Variants in SOX5 observed in about 807,000 individuals in gnomAD.
The protein encoded by SOX5 is transcription factor SOX-5.
SOX5 carries 9 observed loss-of-function variants against 92.0 expected under a neutral mutation model. The observed-to-expected ratio is 0.10, with a 90% CI of 0.06 to 0.17. SOX5 has a LOEUF of 0.17. SOX5 is among the 10% of genes least tolerant of loss of function. SOX5 has a pLI of 1.00. For synonymous variants in SOX5, 344 were observed against 336.3 expected (o/e 1.02, Z -0.25); for missense variants, 642 against 944.5 (o/e 0.68, Z 4.20).
At chr12:24,121,090 T>C (rs1948565371) in intron 4 of SOX5, among the ~76,000 whole-genome samples, 2 of 152,208 alleles carry the variant, frequency 1.3e-5, no homozygotes, top group African/African-American at 4.8e-5. Flanking sequence ...CTCATTGCAT[T>C]ACCTTTCTCA....
chr12:23,716,828 G>C (rs1489959082), intron 6 of SOX5, among the ~76,000 whole-genome samples: 1 of 152,130 alleles, frequency 6.6e-6, no homozygotes, highest in Non-Finnish European at 1.5e-5. Flanking sequence ...AAATAGTAAA[G>C]TCTGCTGTTT....
chr12:24,013,511 T>C (rs1457736756), intron 4 of SOX5, among the ~76,000 whole-genome samples: 1 of 152,186 alleles, frequency 6.6e-6, no homozygotes, highest in African/African-American at 2.4e-5. Context: ...TAACCTGGTT[T>C]CCCAAGCTTC....
intron 3 of SOX5, among the ~76,000 whole-genome samples, chr12:24,238,327 C>G (rs1015095721): frequency 6.6e-6 from 1 of 152,106 alleles, no homozygotes; most frequent in Admixed American, 6.6e-5. Context: ...TATAGGGAGC[C>G]ATGCTCTGCA....
chr12:24,197,813 G>A (rs867457185), intron 4 of SOX5, among the ~76,000 whole-genome samples: 5 of 152,046 alleles, frequency 3.3e-5, no homozygotes, highest in African/African-American at 1.2e-4. Flanking sequence ...CTGCATCCGC[G>A]TATCCACTGT....
chr12:24,471,719 T>C lies in SOX5; in HGVS notation c.-251+90610A>G, dbSNP rs529665248. Among the ~76,000 whole-genome samples, 367 of 152,302 alleles carry C rather than the reference T, an allele frequency of 2.4e-3. 2 individuals carry two copies. Among genetic ancestry groups the C allele is most frequent in the Non-Finnish European group, 4.4e-3 (300 of 68,014 alleles). ...GTGTTACTAATGGAGCAAGTAAGCA[T>C]ACTTTGTACTCCAACTTATAAAATC... is the stretch of plus-strand genomic sequence containing the variant. On this transcript the variant is annotated intron_variant, in intron 1 of 4. Coordinates refer to the SOX5 transcript ENST00000446891.
intron 4 of SOX5, among the ~76,000 whole-genome samples, chr12:24,041,843 A>T (rs757028637): frequency 9.2e-5 from 14 of 152,158 alleles, no homozygotes; most frequent in Admixed American, 4.6e-4. Context: ...CCTGTGACAG[A>T]TGACAAACTA....
intron 7 of SOX5, among the ~76,000 whole-genome samples, chr12:23,645,019 A>G (rs991993130): frequency 2.0e-5 from 3 of 152,222 alleles, no homozygotes; most frequent in African/African-American, 7.2e-5. Flanking sequence ...ATTCATAAGC[A>G]CTATAACATT....
At chr12:24,436,102 A>G (rs1270118712) in intron 1 of SOX5, among the ~76,000 whole-genome samples, 3 of 152,128 alleles carry the variant, frequency 2.0e-5, no homozygotes, top group Admixed American at 6.5e-5. Flanking sequence ...TTATTCCCCA[A>G]AATGCAACAA....
chr12:23,682,062 C>T (rs2086714559), intron 6 of SOX5, among the ~76,000 whole-genome samples: 1 of 151,598 alleles, frequency 6.6e-6, no homozygotes, highest in Non-Finnish European at 1.5e-5. Flanking sequence ...GCAATTTCTA[C>T]AACATAATTA....
At chr12:24,112,728 G>T (rs1377741796) in intron 4 of SOX5, among the ~76,000 whole-genome samples, 2 of 151,260 alleles carry the variant, frequency 1.3e-5, no homozygotes, top group Non-Finnish European at 2.9e-5. Flanking sequence ...GAGAGAAGGG[G>T]TTTCACCATG....
In SOX5 at chr12:23,578,117, CAAAAAAAAAAAAAA is replaced by C. The variant is rs1163938652; in HGVS notation, c.1165-2293_1165-2280del. Among the ~76,000 whole-genome samples the C allele has an allele frequency of 1.5e-3, 51 of 34,896 alleles. 2 individuals carry two copies. Among genetic ancestry groups the C allele is most frequent in the Admixed American group, 7.9e-3 (14 of 1,778 alleles). 22.9% of individuals were successfully genotyped at this position (34,896 alleles called of 152,430 possible). ...CCTGCGCAACAGAGTGAGACTGTGT[CAAAAAAAAAAAAAA>C]AAAAAAAAAAAAAAAAAAACTATAG... On this transcript the variant is annotated intron_variant, in intron 9 of 14. Coordinates refer to ENST00000451604, the MANE Select transcript of SOX5 (RefSeq NM_006940.6).
At chr12:23,881,865 T>G (rs763913353) in intron 2 of SOX5, among the ~76,000 whole-genome samples, 3 of 151,002 alleles carry the variant, frequency 2.0e-5, no homozygotes, top group Non-Finnish European at 4.4e-5. Context: ...AAACACCATA[T>G]GAAAAAGGGG....
intron 4 of SOX5, among the ~76,000 whole-genome samples, chr12:24,013,957 C>T (rs1376565373): frequency 6.6e-6 from 1 of 152,118 alleles, no homozygotes; most frequent in Admixed American, 6.6e-5. Flanking sequence ...ACAGAATCAA[C>T]TTGAGCTGGT....
intron 4 of SOX5, among the ~76,000 whole-genome samples, chr12:24,161,101 C>T (rs1386995491): frequency 5.3e-5 from 8 of 152,070 alleles, no homozygotes; most frequent in South Asian, 2.1e-4. Context: ...GATGTTCCTA[C>T]GCTGAGGTAT....
intron 3 of SOX5, among the ~76,000 whole-genome samples, chr12:23,844,728 A>T (rs2096556172): frequency 6.6e-6 from 1 of 152,178 alleles, no homozygotes; most frequent in South Asian, 2.1e-4. Flanking sequence ...CTATGACTTC[A>T]GGTGATTTTT....
At chr12:24,182,685 T>C (rs1446170267) in intron 4 of SOX5, among the ~76,000 whole-genome samples, 1 of 152,126 alleles carries the variant, frequency 6.6e-6, no homozygotes, top group Non-Finnish European at 1.5e-5. Flanking sequence ...GTCCTAAATA[T>C]ATAAATTATT....
At chr12:24,139,219 T>A (rs1432250714) in intron 4 of SOX5, among the ~76,000 whole-genome samples, 1 of 152,192 alleles carries the variant, frequency 6.6e-6, no homozygotes, top group Non-Finnish European at 1.5e-5. Context: ...ATTAAATCCA[T>A]AAATAAGAGT....
chr12:24,111,542 T>C (rs138835501), intron 4 of SOX5, among the ~76,000 whole-genome samples: 33 of 152,318 alleles, frequency 2.2e-4, no homozygotes, highest in African/African-American at 7.2e-4. Context: ...CTAGTTTAGC[T>C]CAAAATCGAT....
At chr12:23,667,055 G>A (rs927501006) in intron 6 of SOX5, among the ~76,000 whole-genome samples, 1 of 151,998 alleles carries the variant, frequency 6.6e-6, no homozygotes, top group Non-Finnish European at 1.5e-5. Context: ...AGTGTGGGGG[G>A]CAGCGAGGAC....
Sources: allele counts gnomAD v4.1 joint callset (sites outside exome capture counted in the v4.1 genomes callset), GRCh38; gene constraint gnomAD v4.1.1; transcripts MANE v1.5; gene names NCBI Gene and HGNC (gene_info 2026-07-23, HGNC 2026-07-21).